The following LAMB4 variants were observed in gnomAD, a reference collection of about 807,000 sequenced individuals.
LAMB4 encodes the protein laminin subunit beta-4.
LAMB4 carries 196 observed loss-of-function variants against 199.2 expected under a neutral mutation model. The observed-to-expected ratio is 0.98, with a 90% CI of 0.88 to 1.11. LAMB4 has a LOEUF of 1.11. Among genes scored for constraint, LAMB4 ranks in the 50% least tolerant of loss-of-function variants. The probability of loss-of-function intolerance (pLI) is 0.00; values close to 1 mark genes in which losing one functional copy is unlikely to be tolerated. For synonymous variants in LAMB4, 744 were observed against 770.6 expected (o/e 0.97, Z 0.57); for missense variants, 2,080 against 2,171.2 (o/e 0.96, Z 0.83).
intron 7 of LAMB4, 92 bp from the exon 8 acceptor site, chr7:108,106,123 A>G (rs2038000126): frequency 2.0e-6 from 2 of 1,017,936 alleles, no homozygotes; most frequent in African/African-American, 3.2e-5. Context: ...TATACTATAG[A>G]AAAGAGATTA....
intron 6 of LAMB4, 30 bp from the exon 7 acceptor site, chr7:108,106,602 T>C (rs1476470985): frequency 1.6e-6 from 2 of 1,219,080 alleles, no homozygotes; most frequent in East Asian, 4.8e-5. Context: ...ACATTTATAG[T>C]ATATTACCTG....
intron 14 of LAMB4, among the ~76,000 whole-genome samples, chr7:108,089,954 T>G (rs1447159428): frequency 2.0e-5 from 3 of 152,188 alleles, no homozygotes; most frequent in Non-Finnish European, 2.9e-5. Context: ...TGAGCTACTG[T>G]GCCTGGCCAA....
intron 17 of LAMB4, chr7:108,076,042 A>G (rs2036689328): frequency 1.3e-5 from 2 of 153,520 alleles, no homozygotes; most frequent in Non-Finnish European, 2.9e-5. Context: ...CCTTAGGTAA[A>G]GTAGGAAAAT....
intron 29 of LAMB4, among the ~76,000 whole-genome samples, chr7:108,039,071 TG>T (rs2035328016): frequency 6.6e-6 from 1 of 151,974 alleles, no homozygotes; most frequent in Non-Finnish European, 1.5e-5. Context: ...CTGTGGGGTG[TG>T]GGGAGGGGTA....
At chr7:108,058,726 G>A (rs1025701481) in intron 23 of LAMB4, among the ~76,000 whole-genome samples, 1 of 152,156 alleles carries the variant, frequency 6.6e-6, no homozygotes, top group Non-Finnish European at 1.5e-5. Context: ...TGCAACCTCA[G>A]CTCACTGCAA....
At chr7:108,019,104 G>A (rs370814466), downstream of LAMB4, among the ~76,000 whole-genome samples, 5 of 152,282 alleles carry the variant, frequency 3.3e-5, no homozygotes, top group East Asian at 7.7e-4. Flanking sequence ...CACACACTTA[G>A]TGGCTTTAAA....
At chr7:108,031,349 A>AAAAAGG (rs2035028574) in intron 31 of LAMB4, among the ~76,000 whole-genome samples, 1 of 114,254 alleles carries the variant, frequency 8.8e-6, no homozygotes, top group Non-Finnish European at 1.7e-5. Flanking sequence ...AAAAAAAAAG[A>AAAAAGG]AAAAAAAGAA....
At position 108,104,617 on chromosome 7, in the gene LAMB4, A is replaced by C; in HGVS notation, c.873T>G (p.Val291=). 1 of 1,613,974 alleles carries C rather than the reference A, an allele frequency of 6.2e-7. No homozygotes were observed. ...RGDVFSPPGM[V]HGQCVCQHNT... ...TGTGCTGACACACACACTGACCGTGAACCTGCATTGTGCAATAAATAGAGC... is the reference window on the plus strand; with the variant it reads ...TGTGCTGACACACACACTGACCGTGCACCTGCATTGTGCAATAAATAGAGC... Residue 291 remains valine (V), a splice_region_variant and synonymous_variant, in exon 9 of 34, where the codon GTT becomes GTG. Transcript: ENST00000388781.
intron 11 of LAMB4, 38 bp from the exon 12 acceptor site, chr7:108,095,375 T>C: frequency 7.0e-7 from 1 of 1,427,464 alleles, no homozygotes. Flanking sequence ...TCATTCTTAA[T>C]TCCTCCACTC....
chr7:108,070,514 T>G lies in LAMB4; in HGVS notation c.2125-629A>C, dbSNP rs1299035987. 2.0e-5 allele frequency among the ~76,000 whole-genome samples: 3 copies of G among 152,180 alleles called. No homozygotes were observed. In the East Asian group the frequency reaches 5.8e-4, roughly 29 times the overall value. ...GGCCAAGCCCTCCTCTTCCTCCTCCTCCTCAGCCTACTCAGCGTGAAGATG... is the reference window on the plus strand; with the variant it reads ...GGCCAAGCCCTCCTCTTCCTCCTCCGCCTCAGCCTACTCAGCGTGAAGATG... On this transcript the variant is annotated intron_variant, in intron 17 of 33. Coordinates refer to ENST00000388781, the MANE Select transcript of LAMB4 (RefSeq NM_007356.3).
chr7:108,119,886 ATGGTCTCTCTC>A (rs1236923523), intron 2 of LAMB4, among the ~76,000 whole-genome samples: 5 of 152,214 alleles, frequency 3.3e-5, no homozygotes, highest in African/African-American at 9.7e-5. Context: ...GAAGGGGTAT[ATGGTCTCTCTC>A]TGTGTTATTT....
downstream of LAMB4, among the ~76,000 whole-genome samples, chr7:108,019,810 C>T (rs747659483): frequency 6.6e-5 from 10 of 152,286 alleles, no homozygotes; most frequent in South Asian, 4.1e-4. Context: ...CCAGGGTCTG[C>T]TTTCAGCTTT....
Position 108,048,049 on chromosome 7 carries a change from C to G in LAMB4, c.4185G>C (p.Thr1395=). Residue 1395 remains threonine (T), a synonymous_variant, in exon 28 of 34, where the codon ACG becomes ACC. Transcript: ENST00000388781. Reference sequence around the variant, plus strand: ...TACACTTCCTGTGCCCCTTCCGGCCCGTGCAGAGAGCACCGCCACAGGGCA... The same window carrying G: ...TACACTTCCTGTGCCCCTTCCGGCCGGTGCAGAGAGCACCGCCACAGGGCA... The part of the protein sequence containing the change: ...VPLPCGGALC[T]GRKGHRKCRG... 1 of 1,614,086 alleles carries G rather than the reference C, an allele frequency of 6.2e-7. No individual in the cohort carries two copies. The highest frequency in any genetic ancestry group is 8.5e-7 in the Non-Finnish European group (1 of 1,180,002).
At chr7:108,059,643 G>A (rs1299843547) in intron 23 of LAMB4, among the ~76,000 whole-genome samples, 2 of 152,090 alleles carry the variant, frequency 1.3e-5, no homozygotes, top group Non-Finnish European at 2.9e-5. Flanking sequence ...CCTTAACCTG[G>A]GCACAGCACC....
chr7:108,121,759 A>AC (rs543840924), intron 2 of LAMB4, among the ~76,000 whole-genome samples: 148 of 152,108 alleles, frequency 9.7e-4, no homozygotes, highest in African/African-American at 3.5e-3. Flanking sequence ...TTAAAAAAAA[A>AC]AAAAAAAGAA....
chr7:108,049,698 C>T (rs1003154924), intron 26 of LAMB4, among the ~76,000 whole-genome samples, 167 bp from the exon 27 acceptor site: 5 of 152,118 alleles, frequency 3.3e-5, no homozygotes, highest in Non-Finnish European at 5.9e-5. Flanking sequence ...GAAGGATTAG[C>T]TATAGTATAA....
chr7:108,050,714 T>C (rs749465897), intron 26 of LAMB4, among the ~76,000 whole-genome samples: 52 of 152,218 alleles, frequency 3.4e-4, no homozygotes, highest in Non-Finnish European at 1.8e-4. Context: ...TAATGTATCA[T>C]GCTTTTCACT....
intron 14 of LAMB4, among the ~76,000 whole-genome samples, chr7:108,085,612 GTATT>G (rs1160863145): frequency 1.3e-5 from 2 of 151,700 alleles, no homozygotes; most frequent in African/African-American, 4.8e-5. Flanking sequence ...TTATTTTTAT[GTATT>G]TATTTATTTT....
At chr7:108,054,991 A>G (rs936430513) in intron 25 of LAMB4, among the ~76,000 whole-genome samples, 7 of 152,154 alleles carry the variant, frequency 4.6e-5, no homozygotes, top group Admixed American at 3.3e-4. Flanking sequence ...GGTTTGGTAA[A>G]TTTTCCCTAG....
Sources: allele counts gnomAD v4.1 joint callset (sites outside exome capture counted in the v4.1 genomes callset), GRCh38; gene constraint gnomAD v4.1.1; transcripts MANE v1.5; gene names NCBI Gene and HGNC (gene_info 2026-07-23, HGNC 2026-07-21).